The following MARCHF3 variants were observed in gnomAD, a reference collection of about 807,000 sequenced individuals.
The protein encoded by MARCHF3 is E3 ubiquitin-protein ligase MARCHF3.
MARCHF3 carries 13 observed loss-of-function variants against 24.2 expected under a neutral mutation model. The observed-to-expected ratio is 0.54, with a 90% confidence interval of 0.35 to 0.85. The LOEUF is 0.85. MARCHF3 is among the 40% of genes least tolerant of loss of function. MARCHF3 has a pLI of 0.01. For synonymous variants in MARCHF3, 144 were observed against 137.3 expected (o/e 1.05, Z -0.34); for missense variants, 276 against 325.0 (o/e 0.85, Z 1.16).
At chr5:126,974,283 G>A (rs1326833519) in intron 1 of MARCHF3, among the ~76,000 whole-genome samples, 1 of 152,182 alleles carries the variant, frequency 6.6e-6, no homozygotes, top group Non-Finnish European at 1.5e-5. Context: ...TCAGATTGCT[G>A]GGAATGATGG....
chr5:126,928,883 CTT>C (rs1334715218), intron 1 of MARCHF3, among the ~76,000 whole-genome samples: 6 of 152,104 alleles, frequency 3.9e-5, no homozygotes, highest in Non-Finnish European at 1.5e-5. Flanking sequence ...CCCCTATATA[CTT>C]CAGTATGAAT....
intron 1 of MARCHF3, among the ~76,000 whole-genome samples, chr5:126,980,952 C>T (rs1751374156): frequency 6.6e-6 from 1 of 152,190 alleles, no homozygotes; most frequent in Non-Finnish European, 1.5e-5. Context: ...TCCATGGCCC[C>T]AGACTGAAAG....
chr5:126,922,768 G>A (rs564882310), intron 1 of MARCHF3, among the ~76,000 whole-genome samples: 72 of 152,164 alleles, frequency 4.7e-4, no homozygotes, highest in African/African-American at 1.7e-3. Flanking sequence ...GGATGGTCTC[G>A]ATCTCCTGAT....
chr5:127,005,256 C>T (rs755391363), intron 1 of MARCHF3, among the ~76,000 whole-genome samples: 1 of 151,402 alleles, frequency 6.6e-6, no homozygotes, highest in Non-Finnish European at 1.5e-5. Context: ...CCTGTCTCAG[C>T]CTCCGAGTAG....
rs916626172 is a variant in MARCHF3, at chr5:126,909,469, G to A, written c.393+5461C>T. On this transcript the variant is annotated intron_variant, in intron 3 of 4. Coordinates refer to ENST00000308660, the MANE Select transcript of MARCHF3 (RefSeq NM_178450.5). ...TCAGACTGCTGTGCTAGCAATCAGCGACACTCCGTGGGCGTAGGACCCTCC... is the reference window on the plus strand; with the variant it reads ...TCAGACTGCTGTGCTAGCAATCAGCAACACTCCGTGGGCGTAGGACCCTCC... Among the ~76,000 whole-genome samples, 8 of 152,334 alleles carry A rather than the reference G, an allele frequency of 5.3e-5. 1 individual carries two copies. The East Asian group carries it at 5.8e-4, about 11-fold the overall frequency.
At chr5:126,991,208 C>G (rs953790530) in intron 1 of MARCHF3, among the ~76,000 whole-genome samples, 7 of 152,308 alleles carry the variant, frequency 4.6e-5, no homozygotes, top group African/African-American at 1.7e-4. Flanking sequence ...CCATGGAATA[C>G]TATGCAGCCA....
At chr5:126,973,578 C>A (rs80046449) in intron 1 of MARCHF3, among the ~76,000 whole-genome samples, 2 of 152,290 alleles carry the variant, frequency 1.3e-5, no homozygotes, top group African/African-American at 4.8e-5. Context: ...CAGAGGGTGG[C>A]AGAGAGAATT....
At chr5:126,880,982 T>G (rs1753322249) in intron 3 of MARCHF3, among the ~76,000 whole-genome samples, 1 of 152,158 alleles carries the variant, frequency 6.6e-6, no homozygotes, top group Non-Finnish European at 1.5e-5. Context: ...TATGTGGCCC[T>G]TGACATTACC....
intron 1 of MARCHF3, among the ~76,000 whole-genome samples, chr5:126,961,422 A>G (rs979394440): frequency 6.6e-6 from 1 of 152,166 alleles, no homozygotes; most frequent in Non-Finnish European, 1.5e-5. Flanking sequence ...TCTGTCTTTC[A>G]GAAGCAACCA....
intron 1 of MARCHF3, among the ~76,000 whole-genome samples, chr5:126,954,855 TCTC>T (rs1284771199): frequency 6.6e-6 from 1 of 152,080 alleles, no homozygotes; most frequent in Non-Finnish European, 1.5e-5. Context: ...CCCTCCTTCT[TCTC>T]CTTTCCTCTT....
chr5:126,959,859 C>T (rs918332938), intron 1 of MARCHF3, among the ~76,000 whole-genome samples: 12 of 152,056 alleles, frequency 7.9e-5, no homozygotes, highest in African/African-American at 2.7e-4. Flanking sequence ...CTTGGTATTC[C>T]GACCAGCAGC....
chr5:126,932,815 G>A (rs2126804668), intron 1 of MARCHF3, among the ~76,000 whole-genome samples: 1 of 152,232 alleles, frequency 6.6e-6, no homozygotes, highest in East Asian at 1.9e-4. Context: ...CAAGAGCCAG[G>A]TACCATTTTG....
intron 3 of MARCHF3, among the ~76,000 whole-genome samples, chr5:126,896,368 C>T (rs530570873): frequency 6.6e-6 from 1 of 152,204 alleles, no homozygotes; most frequent in East Asian, 1.9e-4. Flanking sequence ...GGGGTAACAG[C>T]TCAAATGAAA....
intron 1 of MARCHF3, among the ~76,000 whole-genome samples, chr5:126,994,726 T>C (rs1436030570): frequency 1.3e-5 from 2 of 151,760 alleles, no homozygotes; most frequent in East Asian, 3.9e-4. Context: ...TTAAGGAGAA[T>C]TGACTCACAC....
intron 3 of MARCHF3, among the ~76,000 whole-genome samples, chr5:126,889,935 A>C (rs1241146748): frequency 6.6e-6 from 1 of 152,348 alleles, no homozygotes; most frequent in East Asian, 1.9e-4. Context: ...TAAGCTGTTC[A>C]TGATTTTCAA....
At chr5:126,954,149 C>T (rs1750350419) in intron 1 of MARCHF3, among the ~76,000 whole-genome samples, 1 of 151,870 alleles carries the variant, frequency 6.6e-6, no homozygotes, top group Admixed American at 6.5e-5. Flanking sequence ...TCTCCTGCCT[C>T]ACCCTCCCGA....
intron 3 of MARCHF3, among the ~76,000 whole-genome samples, chr5:126,880,074 T>C (rs1415885872): frequency 2.0e-5 from 3 of 152,022 alleles, no homozygotes; most frequent in Non-Finnish European, 2.9e-5. Flanking sequence ...GGGAAGGCCA[T>C]GCTCAAGCAT....
chr5:126,900,567 A>G (rs1409131321), intron 3 of MARCHF3, among the ~76,000 whole-genome samples: 1 of 152,056 alleles, frequency 6.6e-6, no homozygotes, highest in African/African-American at 2.4e-5. Flanking sequence ...AGCCTCCAGG[A>G]CTGTGAGAAA....
intron 1 of MARCHF3, among the ~76,000 whole-genome samples, chr5:126,943,085 A>G (rs1158897136): frequency 6.6e-6 from 1 of 152,168 alleles, no homozygotes; most frequent in African/African-American, 2.4e-5. Flanking sequence ...CAGGAGTTCA[A>G]GACAATTCTG....
Sources: allele counts gnomAD v4.1 joint callset (sites outside exome capture counted in the v4.1 genomes callset), GRCh38; gene constraint gnomAD v4.1.1; transcripts MANE v1.5; gene names NCBI Gene and HGNC (gene_info 2026-07-23, HGNC 2026-07-21).